Variants in PRKG1 observed in about 807,000 individuals in gnomAD.
PRKG1 encodes the protein cGMP-dependent protein kinase 1.
PRKG1 carries 35 observed loss-of-function variants against 88.1 expected under a neutral mutation model. That is an observed-to-expected ratio of 0.40 (90% CI 0.30 to 0.53). The LOEUF (loss-of-function observed/expected upper bound fraction) is 0.53, where lower values mean the gene tolerates loss of function less well. Ranked by LOEUF, PRKG1 falls within the 20% of genes least tolerant of loss-of-function variation. PRKG1 has a pLI of 0.59. For missense variants in PRKG1, 540 were observed against 839.8 expected (o/e 0.64, Z 4.41); for synonymous variants, 303 against 292.5 (o/e 1.04, Z -0.37).
rs142236888 is a variant in PRKG1 at position 51,645,036 on chromosome 10, G to A, written c.593-159549G>A. ...CTCCTAACCTAAAGTGAGCCAGACT[G>A]GTCTCAAACTCCTGATATCAAGTGA... On this transcript the variant is annotated intron_variant, in intron 3 of 17. Transcript: ENST00000373980. 2.1e-3 allele frequency among the ~76,000 whole-genome samples: 313 copies of A among 152,210 alleles called. 2 individuals are homozygous for A. Among genetic ancestry groups the A allele is most frequent in the African/African-American group, 6.7e-3 (279 of 41,522 alleles).
At chr10:51,001,439 T>G (rs1243760535) in intron 1 of PRKG1, among the ~76,000 whole-genome samples, 1 of 152,232 alleles carries the variant, frequency 6.6e-6, no homozygotes, top group Non-Finnish European at 1.5e-5. Context: ...AAATCTTTGA[T>G]AGGATACACA....
Position 51,153,144 on chromosome 10 carries a change from T to C in PRKG1, c.312-20T>C. 6.2e-7 allele frequency: 1 copy of C among 1,606,836 alleles called. No homozygotes were observed. The highest frequency in any genetic ancestry group is 8.5e-7 in the Non-Finnish European group (1 of 1,175,884). On this transcript the variant is annotated intron_variant, in intron 1 of 17. Coordinates refer to ENST00000373980, the MANE Select transcript of PRKG1 (RefSeq NM_006258.4). Reference sequence around the variant, plus strand: ...AGAGCTTGTCAGATGTGCCAGTAAATCTTCCCTCTCTTGCCATAGGTCCAA... The same window carrying C: ...AGAGCTTGTCAGATGTGCCAGTAAACCTTCCCTCTCTTGCCATAGGTCCAA...
chr10:51,580,497 T>A (rs1236629012), intron 3 of PRKG1, among the ~76,000 whole-genome samples: 4 of 152,136 alleles, frequency 2.6e-5, no homozygotes, highest in Non-Finnish European at 5.9e-5. Context: ...ATTAAAAAAA[T>A]TATTTTTCTG....
At chr10:51,885,959 G>T (rs1370683334) in intron 4 of PRKG1, among the ~76,000 whole-genome samples, 2 of 152,114 alleles carry the variant, frequency 1.3e-5, no homozygotes, top group African/African-American at 4.8e-5. Flanking sequence ...TCTCAAAACC[G>T]CATGGTGCCA....
At chr10:51,878,336 C>T (rs10999898) in intron 4 of PRKG1, among the ~76,000 whole-genome samples, 20,771 of 151,820 alleles carry the variant, frequency 0.14, 1,667 homozygotes, top group Admixed American at 0.19. Flanking sequence ...GCTCAATATA[C>T]TATGTTGAAC....
intron 5 of PRKG1, among the ~76,000 whole-genome samples, chr10:51,928,458 C>A (rs776000377): frequency 1.3e-5 from 2 of 152,126 alleles, no homozygotes; most frequent in Non-Finnish European, 2.9e-5. Context: ...ACTATGAAAT[C>A]CTAATTACCA....
chr10:51,400,885 T>A (rs912511901), intron 2 of PRKG1, among the ~76,000 whole-genome samples: 1 of 152,194 alleles, frequency 6.6e-6, no homozygotes, highest in Non-Finnish European at 1.5e-5. Flanking sequence ...ATAGTTCAAG[T>A]GTGTGAGTCA....
chr10:51,735,811 C>T (rs1428951750), intron 3 of PRKG1, among the ~76,000 whole-genome samples: 1 of 143,734 alleles, frequency 7.0e-6, no homozygotes, highest in Non-Finnish European at 1.5e-5. Context: ...GTTTTCTATC[C>T]CTGGTTGTGT....
At chr10:51,254,855 C>A (rs16915917) in intron 2 of PRKG1, among the ~76,000 whole-genome samples, 1,737 of 152,056 alleles carry the variant, frequency 0.011, 32 homozygotes, top group African/African-American at 0.038. Flanking sequence ...CTATGGTATG[C>A]TCTTTGGCCC....
intron 3 of PRKG1, among the ~76,000 whole-genome samples, chr10:51,766,984 G>A (rs968952054): frequency 4.6e-5 from 7 of 152,194 alleles, no homozygotes; most frequent in African/African-American, 1.7e-4. Context: ...ATTTTAAGTA[G>A]TGACTGATTG....
intron 4 of PRKG1, among the ~76,000 whole-genome samples, chr10:51,823,359 G>A (rs1564661868): frequency 6.6e-6 from 1 of 152,098 alleles, no homozygotes; most frequent in African/African-American, 2.4e-5. Flanking sequence ...TATATCCATT[G>A]CTTCTGTATG....
At chr10:52,097,032 T>C (rs1429450151) in intron 7 of PRKG1, among the ~76,000 whole-genome samples, 1 of 151,814 alleles carries the variant, frequency 6.6e-6, no homozygotes, top group Non-Finnish European at 1.5e-5. Context: ...GATTAGAAAG[T>C]TAAAAATCAG....
intron 2 of PRKG1, among the ~76,000 whole-genome samples, chr10:51,417,391 T>C (rs1180834892): frequency 6.6e-6 from 1 of 152,180 alleles, no homozygotes; most frequent in Non-Finnish European, 1.5e-5. Context: ...CTCTTTATTT[T>C]AAAGATGAAG....
intron 3 of PRKG1, among the ~76,000 whole-genome samples, chr10:51,738,576 G>A (rs777658330): frequency 2.3e-4 from 35 of 152,294 alleles, no homozygotes; most frequent in Non-Finnish European, 4.1e-4. Context: ...ATGGATGGAA[G>A]GGAATGGGAG....
intron 3 of PRKG1, among the ~76,000 whole-genome samples, chr10:51,705,207 C>T (rs113195147): frequency 2.6e-5 from 4 of 152,218 alleles, no homozygotes; most frequent in African/African-American, 9.6e-5. Flanking sequence ...TTCTGTTCTT[C>T]AATGCTCACC....
chr10:51,647,167 A>C (rs1399393262), intron 3 of PRKG1, among the ~76,000 whole-genome samples: 1 of 146,490 alleles, frequency 6.8e-6, no homozygotes, highest in Non-Finnish European at 1.5e-5. Flanking sequence ...AAAAAAAAAA[A>C]CTGGGGTGAA....
intron 3 of PRKG1, chr10:51,698,946 G>A: frequency 6.2e-7 from 1 of 1,614,212 alleles, no homozygotes; most frequent in South Asian, 1.1e-5. Flanking sequence ...GATTTGCCTG[G>A]GATCAGTGGT....
Position 51,969,196 on chromosome 10 carries a change from C to T in PRKG1, c.762+61626C>T, listed in dbSNP as rs1356334641. ...AAATGGTTGGTAAATCTCATCTAGA[C>T]AATTTTTCAGTAGCAAATGCAAAAC... On this transcript the variant is annotated intron_variant, in intron 5 of 17. Coordinates refer to ENST00000373980, the MANE Select transcript of PRKG1 (RefSeq NM_006258.4). Among the ~76,000 whole-genome samples the T allele has an allele frequency of 2.0e-5, 3 of 152,228 alleles. No homozygotes were observed. The East Asian group carries it at 5.8e-4, about 29-fold the overall frequency.
chr10:51,776,925 C>T (rs1398027741), intron 3 of PRKG1, among the ~76,000 whole-genome samples: 6 of 152,092 alleles, frequency 3.9e-5, no homozygotes, highest in Admixed American at 2.6e-4. Flanking sequence ...AATCCTATGC[C>T]ACGGAAGACA....
Sources: gnomAD v4.1 joint callset for allele counts (sites outside exome capture counted in the v4.1 genomes callset) on GRCh38, gnomAD v4.1.1 for gene constraint, MANE v1.5 for transcripts, NCBI Gene and HGNC (gene_info 2026-07-23, HGNC 2026-07-21) for gene names.